The following STX3 variants were observed in gnomAD, a reference collection of about 807,000 sequenced individuals.
STX3 encodes syntaxin 3.
In STX3, 19 loss-of-function variants were observed where a neutral mutation model predicts 40.2. The ratio of observed to expected loss-of-function variants is 0.47; its 90% CI spans 0.33 to 0.69. The LOEUF is 0.69. Ranked by LOEUF, STX3 falls within the 30% of genes least tolerant of loss-of-function variation. The pLI is 0.02. For missense variants in STX3, 364 were observed against 366.7 expected (o/e 0.99, Z 0.06); for synonymous variants, 122 against 132.2 (o/e 0.92, Z 0.53).
At chr11:59,786,099 G>A (rs1414839618) in intron 2 of STX3, among the ~76,000 whole-genome samples, 1 of 152,146 alleles carries the variant, frequency 6.6e-6, no homozygotes, top group Non-Finnish European at 1.5e-5. Context: ...GCTGTGGCTC[G>A]AGCTACTGGG....
intron 1 of STX3, among the ~76,000 whole-genome samples, chr11:59,769,999 T>G (rs1863502623): frequency 6.6e-6 from 1 of 150,378 alleles, no homozygotes; most frequent in African/African-American, 2.5e-5. Context: ...GTTATGAGTG[T>G]GTGTGGGTGT....
Position 59,803,775 on chromosome 11 carries a change from A to G in STX3, c.*2951A>G, listed in dbSNP as rs1865985510. The G allele has an allele frequency of 6.5e-6, 1 of 152,850 alleles. No individual in the cohort carries two copies. The highest frequency in any genetic ancestry group is 1.5e-5 in the Non-Finnish European group (1 of 68,236). 9.5% of individuals were successfully genotyped at this position (152,850 alleles called of 1,614,324 possible). A position where few individuals can be genotyped will look rare whatever the true frequency, so the allele number is the denominator to read the frequency against. On this transcript the variant is annotated 3_prime_UTR_variant, in exon 11 of 11. Coordinates refer to ENST00000337979, the MANE Select transcript of STX3 (RefSeq NM_004177.5). ...CGGGTAAGAGGGATTTGGTGATCCCAGCCACGAACACCATGCTATATAATC... is the reference window on the plus strand; with the variant it reads ...CGGGTAAGAGGGATTTGGTGATCCCGGCCACGAACACCATGCTATATAATC...
At chr11:59,757,590 T>C (rs1862790644) in intron 1 of STX3, among the ~76,000 whole-genome samples, 1 of 152,100 alleles carries the variant, frequency 6.6e-6, no homozygotes, top group African/African-American at 2.4e-5. Context: ...CTTGGGGATG[T>C]GGTGAAAGTG....
At chr11:59,760,600 G>A (rs1862980296) in intron 1 of STX3, among the ~76,000 whole-genome samples, 1 of 152,084 alleles carries the variant, frequency 6.6e-6, no homozygotes, top group South Asian at 2.1e-4. Context: ...CATTTATTGA[G>A]CAGCTACTAT....
Position 59,787,885 on chromosome 11 carries a change from C to T in STX3, c.214+749C>T, listed in dbSNP as rs574606298. Among the ~76,000 whole-genome samples, 7 of 152,224 alleles carry T rather than the reference C, an allele frequency of 4.6e-5. No individual in the cohort carries two copies. The South Asian group carries it at 1.5e-3, about 32-fold the overall frequency. On this transcript the variant is annotated intron_variant, in intron 3 of 10. Coordinates refer to ENST00000337979, the MANE Select transcript of STX3 (RefSeq NM_004177.5). ...AGGGAACAAGCCTGACACTGTCATT[C>T]CACTCTTTCATTTTTCCCATGGGCC... is the stretch of plus-strand genomic sequence containing the variant.
In STX3 at chr11:59,801,015, T is replaced by G. The variant is rs1320804248; in HGVS notation, c.*191T>G. On this transcript the variant is annotated 3_prime_UTR_variant, in exon 11 of 11. Transcript: ENST00000337979. ...AATCTAGCCCTGGGGGAATGTGATC[T>G]ACCTGATGCGACCCTGAGTTCTCCC... The G allele has an allele frequency of 6.6e-7, 1 of 1,512,072 alleles. No individual in the cohort carries two copies. Among genetic ancestry groups the G allele is most frequent in the Non-Finnish European group, 8.8e-7 (1 of 1,133,724 alleles). 93.7% of individuals were successfully genotyped at this position (1,512,072 alleles called of 1,614,324 possible).
intron 1 of STX3, among the ~76,000 whole-genome samples, chr11:59,764,739 T>C (rs776084699): frequency 6.6e-6 from 1 of 152,138 alleles, no homozygotes; most frequent in Non-Finnish European, 1.5e-5. Flanking sequence ...GTTTATTAGC[T>C]GAATCATTTT....
intron 5 of STX3, among the ~76,000 whole-genome samples, chr11:59,791,529 G>T (rs1590817366): frequency 1.3e-5 from 2 of 152,156 alleles, no homozygotes; most frequent in African/African-American, 2.4e-5. Flanking sequence ...GTCTAAATTT[G>T]TATGGTGGTA....
chr11:59,756,432 T>C (rs1862722339), intron 1 of STX3, among the ~76,000 whole-genome samples: 2 of 152,202 alleles, frequency 1.3e-5, no homozygotes, highest in South Asian at 2.1e-4. Flanking sequence ...TACATAATTA[T>C]TGAGTGTATT....
At chr11:59,773,989 A>C (rs1259869124) in intron 2 of STX3, among the ~76,000 whole-genome samples, 101 of 151,280 alleles carry the variant, frequency 6.7e-4, no homozygotes, top group Middle Eastern at 3.4e-3. Context: ...AAAAAAAAAA[A>C]AAAAAAAAAA....
At chr11:59,768,259 A>G (rs573922125) in intron 1 of STX3, among the ~76,000 whole-genome samples, 1 of 152,166 alleles carries the variant, frequency 6.6e-6, no homozygotes, top group Non-Finnish European at 1.5e-5. Flanking sequence ...GTTGATATCA[A>G]CTTCAACTTT....
At position 59,802,687 on chromosome 11, in the gene STX3, AC is replaced by A; in HGVS notation, c.*1864del. The A allele has an allele frequency of 1.0e-6, 1 of 985,820 alleles. No individual in the cohort carries two copies. The highest frequency in any genetic ancestry group is 1.2e-6 in the Non-Finnish European group (1 of 829,884). The allele number at this position is 985,820 out of a possible 1,614,324, so 61.1% of individuals were successfully genotyped here. On this transcript the variant is annotated 3_prime_UTR_variant, in exon 11 of 11. Coordinates refer to ENST00000337979, the MANE Select transcript of STX3 (RefSeq NM_004177.5). Reference sequence around the variant, plus strand: ...TATTGCTAATTTAAAAATAAAAATGACTTTGTATTGATTGTGAAACGGTTCT... The same window carrying A: ...TATTGCTAATTTAAAAATAAAAATGATTTGTATTGATTGTGAAACGGTTCT...
intron 1 of STX3, among the ~76,000 whole-genome samples, chr11:59,762,390 T>G (rs998779340): frequency 6.6e-6 from 1 of 152,208 alleles, no homozygotes; most frequent in African/African-American, 2.4e-5. Flanking sequence ...ATTAGTTTTC[T>G]CAGCTGTAAG....
intron 9 of STX3, 143 bp downstream of exon 9, chr11:59,795,625 G>A: frequency 6.5e-7 from 1 of 1,539,512 alleles, no homozygotes; most frequent in Non-Finnish European, 8.7e-7. Flanking sequence ...ACCGTATTGA[G>A]AACAACATGG....
At chr11:59,790,198 C>T (rs540701223) in intron 4 of STX3, among the ~76,000 whole-genome samples, 1 of 152,318 alleles carries the variant, frequency 6.6e-6, no homozygotes, top group Non-Finnish European at 1.5e-5. Context: ...TTCTGTTTTA[C>T]AGATGAGAGA....
intron 2 of STX3, among the ~76,000 whole-genome samples, chr11:59,776,024 T>C (rs1863945518): frequency 1.3e-5 from 2 of 152,200 alleles, no homozygotes; most frequent in Admixed American, 1.3e-4. Flanking sequence ...GAGAAAAATA[T>C]TCATGTCATA....
intron 1 of STX3, among the ~76,000 whole-genome samples, chr11:59,760,081 A>G (rs1862952265): frequency 6.6e-6 from 1 of 152,194 alleles, no homozygotes. Context: ...GACGGGAACC[A>G]GAGCTGAGAG....
chr11:59,800,240 C>A (rs983122517), intron 10 of STX3: 1 of 985,224 alleles, frequency 1.0e-6, no homozygotes, highest in Non-Finnish European at 1.2e-6. Flanking sequence ...CCATGTCACC[C>A]AAGGGAGAGA....
rs111282767 is a variant in STX3, at chr11:59,804,128, C to CACTT, written c.*3306_*3307insTTAC. 9,755 of 152,254 alleles carry CACTT rather than the reference C, an allele frequency of 0.064. 643 individuals are homozygous for CACTT. Among genetic ancestry groups the CACTT allele is most frequent in the African/African-American group, 0.16 (6,744 of 41,464 alleles). The allele number at this position is 152,254 out of a possible 1,614,324, so 9.4% of individuals were successfully genotyped here. On this transcript the variant is annotated 3_prime_UTR_variant, in exon 11 of 11. Coordinates refer to ENST00000337979, the MANE Select transcript of STX3 (RefSeq NM_004177.5). ...GAGTGGGCGCCTCTTTAGGAAGTGA[C>CACTT]ACAGCCTGCATGTGCAGTATGGCTG...
Sources: gnomAD v4.1 joint callset for allele counts (sites outside exome capture counted in the v4.1 genomes callset) on GRCh38, gnomAD v4.1.1 for gene constraint, MANE v1.5 for transcripts, NCBI Gene and HGNC (gene_info 2026-07-23, HGNC 2026-07-21) for gene names.